The following SPOCK1 variants were observed in gnomAD, a reference collection of about 807,000 sequenced individuals.
SPOCK1 encodes the protein SPARC (osteonectin), cwcv and kazal like domains proteoglycan 1.
A neutral mutation model predicts 55.3 loss-of-function variants in SPOCK1; 23 were observed. That is an observed-to-expected ratio of 0.42 (90% CI 0.30 to 0.59). SPOCK1 has a LOEUF of 0.59. Ranked by LOEUF, SPOCK1 falls within the 20% of genes least tolerant of loss-of-function variation. SPOCK1 has a pLI of 0.22. For synonymous variants in SPOCK1, 226 were observed against 221.0 expected (o/e 1.02, Z -0.20); for missense variants, 499 against 552.5 (o/e 0.90, Z 0.97).
intron 3 of SPOCK1, among the ~76,000 whole-genome samples, chr5:137,153,750 C>T (rs1561629032): frequency 6.6e-6 from 1 of 151,570 alleles, no homozygotes; most frequent in East Asian, 1.9e-4. Context: ...CTCAGCTACT[C>T]AGGAGGCTGA....
chr5:137,324,452 A>G (rs1758037116), intron 2 of SPOCK1, among the ~76,000 whole-genome samples: 1 of 150,930 alleles, frequency 6.6e-6, no homozygotes, highest in Non-Finnish European at 1.5e-5. Context: ...CTCAAAAATA[A>G]GAGAGAGAGA....
intron 3 of SPOCK1, among the ~76,000 whole-genome samples, chr5:137,251,290 C>A (rs1166507599): frequency 6.6e-5 from 10 of 152,204 alleles, no homozygotes; most frequent in Admixed American, 5.2e-4. Flanking sequence ...CCAACCTCAC[C>A]CACACAATAA....
chr5:137,490,428 A>C (rs1754149858), intron 2 of SPOCK1, among the ~76,000 whole-genome samples: 1 of 152,194 alleles, frequency 6.6e-6, no homozygotes, highest in African/African-American at 2.4e-5. Flanking sequence ...ATGCAAAATC[A>C]AGACCAAATT....
chr5:137,084,024 G>A (rs935492482), intron 5 of SPOCK1, among the ~76,000 whole-genome samples: 1 of 152,056 alleles, frequency 6.6e-6, no homozygotes, highest in Non-Finnish European at 1.5e-5. Flanking sequence ...TCTGTAAAAT[G>A]GGGATAATAA....
At chr5:137,440,433 T>C (rs1404524140) in intron 2 of SPOCK1, among the ~76,000 whole-genome samples, 1 of 152,154 alleles carries the variant, frequency 6.6e-6, no homozygotes, top group Non-Finnish European at 1.5e-5. Flanking sequence ...GGAGGGATGT[T>C]CATTAAAGAG....
intron 2 of SPOCK1, among the ~76,000 whole-genome samples, chr5:137,295,605 C>T (rs1214837744): frequency 6.6e-6 from 1 of 152,084 alleles, no homozygotes; most frequent in Non-Finnish European, 1.5e-5. Context: ...AAAGTAGCCA[C>T]GTGACTTTTT....
At chr5:136,982,082 G>A (rs1416811763) in intron 9 of SPOCK1, among the ~76,000 whole-genome samples, 2 of 152,106 alleles carry the variant, frequency 1.3e-5, no homozygotes, top group African/African-American at 4.8e-5. Flanking sequence ...AGGAGCAATA[G>A]GCTATACCAT....
At chr5:137,104,389 T>G (rs2127027437) in intron 5 of SPOCK1, among the ~76,000 whole-genome samples, 1 of 152,308 alleles carries the variant, frequency 6.6e-6, no homozygotes, top group East Asian at 1.9e-4. Flanking sequence ...CAATTAAACC[T>G]CTTTTTTAAA....
chr5:137,080,390 C>T (rs988508171), intron 5 of SPOCK1, among the ~76,000 whole-genome samples: 7 of 152,228 alleles, frequency 4.6e-5, no homozygotes, highest in African/African-American at 1.4e-4. Flanking sequence ...GTGTTCAGGG[C>T]TGTGCTGACA....
chr5:137,062,737 C>A (rs1403337436), intron 6 of SPOCK1, among the ~76,000 whole-genome samples: 4 of 150,626 alleles, frequency 2.7e-5, no homozygotes, highest in East Asian at 2.0e-4. Flanking sequence ...CTGAAAAAAA[C>A]AAAAAAATGC....
At chr5:137,233,713 C>CTTTTTTTTTTTTTTTTTTTTTTTTTTTT (rs56328555) in intron 3 of SPOCK1, among the ~76,000 whole-genome samples, 4 of 58,414 alleles carry the variant, frequency 6.8e-5, no homozygotes, top group African/African-American at 9.1e-5. Flanking sequence ...AGGATATGCA[C>CTTTTTTTTTTTTTTTTTTTTTTTTTTTT]TTTTTTTTTT....
At chr5:137,315,713 C>T (rs1238171503) in intron 2 of SPOCK1, among the ~76,000 whole-genome samples, 1 of 152,172 alleles carries the variant, frequency 6.6e-6, no homozygotes, top group Admixed American at 6.5e-5. Flanking sequence ...GTGTCTGTCT[C>T]CTCCCACTGT....
intron 3 of SPOCK1, among the ~76,000 whole-genome samples, chr5:137,199,560 G>A (rs1222980464): frequency 6.6e-6 from 1 of 152,012 alleles, no homozygotes; most frequent in Non-Finnish European, 1.5e-5. Flanking sequence ...AAACCCCAAT[G>A]ATCTCCTCCT....
At chr5:137,356,067 C>G (rs974804309) in intron 2 of SPOCK1, among the ~76,000 whole-genome samples, 1 of 152,152 alleles carries the variant, frequency 6.6e-6, no homozygotes, top group Admixed American at 6.5e-5. Context: ...CCTGAACAGC[C>G]CTGCCCTGAG....
In SPOCK1 at chr5:137,237,331, G is replaced by C. The variant is rs1023634457; in HGVS notation, c.232+29679C>G. ...CTCTGAGAGGCAGAGGACTAAGAGT[G>C]CTGGGCCCTCCCCTGAGAGCCCCCC... On this transcript the variant is annotated intron_variant, in intron 3 of 10. Transcript: ENST00000394945. 2.6e-5 allele frequency among the ~76,000 whole-genome samples: 4 copies of C among 152,244 alleles called. 1 individual carries two copies. In the South Asian group the frequency reaches 6.2e-4, roughly 24 times the overall value.
At position 137,482,789 on chromosome 5, in the gene SPOCK1, C is replaced by T. The variant is rs377399959; in HGVS notation, c.186+15584G>A. On this transcript the variant is annotated intron_variant, in intron 2 of 10. Coordinates refer to ENST00000394945, the MANE Select transcript of SPOCK1 (RefSeq NM_004598.4). ...CAAGAATCAAGGGAGAATACCCAGC[C>T]CATCCATCTGGAGACTGTCAGTTCT... Among the ~76,000 whole-genome samples, 75 of 152,278 alleles carry T rather than the reference C, an allele frequency of 4.9e-4. No individual in the cohort carries two copies. The East Asian group carries it at 0.012, about 24-fold the overall frequency.
At chr5:137,417,389 CT>C (rs778740562) in intron 2 of SPOCK1, among the ~76,000 whole-genome samples, 4 of 136,026 alleles carry the variant, frequency 2.9e-5, no homozygotes, top group Non-Finnish European at 6.2e-5. Flanking sequence ...GGAAAAATTA[CT>C]GTCAAATGCA....
chr5:137,006,262 G>A (rs1382566657), intron 6 of SPOCK1, among the ~76,000 whole-genome samples: 2 of 152,152 alleles, frequency 1.3e-5, no homozygotes, highest in Admixed American at 6.5e-5. Context: ...ATAGCTTGAT[G>A]GGAATAGCAT....
chr5:137,054,719 T>G (rs1292256365), intron 6 of SPOCK1, among the ~76,000 whole-genome samples: 2 of 152,184 alleles, frequency 1.3e-5, no homozygotes, highest in Non-Finnish European at 2.9e-5. Flanking sequence ...AAACAACTCA[T>G]AATAGGAAGC....
Sources: gnomAD v4.1 joint callset for allele counts (sites outside exome capture counted in the v4.1 genomes callset) on GRCh38, gnomAD v4.1.1 for gene constraint, MANE v1.5 for transcripts, NCBI Gene and HGNC (gene_info 2026-07-23, HGNC 2026-07-21) for gene names.